The following ADAMTS20 variants were observed in gnomAD, a reference collection of about 807,000 sequenced individuals.
ADAMTS20 encodes the protein A disintegrin and metalloproteinase with thrombospondin motifs 20.
Under a neutral mutation model 260.1 loss-of-function variants are expected in ADAMTS20, and 225 were observed. The observed-to-expected ratio is 0.87, with a 90% CI of 0.78 to 0.97. ADAMTS20 has a LOEUF of 0.97. ADAMTS20 is among the 50% of genes least tolerant of loss of function. The probability of loss-of-function intolerance (pLI) is 0.00; values close to 1 mark genes in which losing one functional copy is unlikely to be tolerated. For synonymous variants in ADAMTS20, 802 were observed against 769.5 expected (o/e 1.04, Z -0.70); for missense variants, 2,400 against 2,337.7 (o/e 1.03, Z -0.55).
chr12:43,503,597 A>ATGTGCAGGTTTGT (rs1942799396), intron 3 of ADAMTS20, among the ~76,000 whole-genome samples: 1 of 151,958 alleles, frequency 6.6e-6, no homozygotes, highest in Non-Finnish European at 1.5e-5. Flanking sequence ...TCAGGCGTAC[A>ATGTGCAGGTTTGT]TGTGCAGGTT....
chr12:43,385,331 G>A (rs1012602591), intron 29 of ADAMTS20, among the ~76,000 whole-genome samples: 1 of 152,044 alleles, frequency 6.6e-6, no homozygotes, highest in Non-Finnish European at 1.5e-5. Context: ...TAAGTTCTTT[G>A]TAGATTCTGG....
At chr12:43,512,760 G>C (rs2137465510) in intron 3 of ADAMTS20, among the ~76,000 whole-genome samples, 1 of 152,204 alleles carries the variant, frequency 6.6e-6, no homozygotes, top group East Asian at 1.9e-4. Context: ...TTAAAACATA[G>C]AGACATGTGA....
chr12:43,463,661 A>G (rs1942103990), intron 10 of ADAMTS20, among the ~76,000 whole-genome samples: 1 of 152,198 alleles, frequency 6.6e-6, no homozygotes, highest in African/African-American at 2.4e-5. Flanking sequence ...TTAAAGGCTT[A>G]TTGAAATTTA....
At chr12:43,414,446 A>G (rs7134363) in intron 28 of ADAMTS20, among the ~76,000 whole-genome samples, 3,705 of 152,246 alleles carry the variant, frequency 0.024, 73 homozygotes, top group East Asian at 0.079. Flanking sequence ...ACATCCTTCA[A>G]TACATATATT....
intron 27 of ADAMTS20, among the ~76,000 whole-genome samples, chr12:43,426,463 G>A (rs574020617): frequency 2.8e-5 from 4 of 145,348 alleles, no homozygotes; most frequent in East Asian, 2.4e-4. Context: ...AAATCATTAA[G>A]CAAAAACATT....
chr12:43,467,680 A>T (rs10880502), intron 8 of ADAMTS20, among the ~76,000 whole-genome samples: 49,460 of 151,920 alleles, frequency 0.33, 8,664 homozygotes, highest in East Asian at 0.75. Context: ...TATTCTGTTC[A>T]TCCTATCCCC....
At position 43,480,911 on chromosome 12, in the gene ADAMTS20, T is replaced by C. The variant is rs140360913; in HGVS notation, c.1117+9484A>G. On this transcript the variant is annotated intron_variant, in intron 7 of 38. Transcript: ENST00000389420. The stretch of plus-strand genomic sequence containing the variant: ...TTTTGAGATCTATTGCACAGGAGGG[T>C]GACTATAGTTATAATAATGTATTAT... Among the ~76,000 whole-genome samples the C allele has an allele frequency of 1.3e-3, 196 of 152,080 alleles. 1 individual carries two copies. The highest frequency in any genetic ancestry group is 4.5e-3 in the African/African-American group (186 of 41,476).
At chr12:43,464,015 C>A (rs1443009130) in intron 10 of ADAMTS20, among the ~76,000 whole-genome samples, 1 of 151,832 alleles carries the variant, frequency 6.6e-6, no homozygotes, top group Non-Finnish European at 1.5e-5. Context: ...CTAAATTTAC[C>A]CCCATATAAA....
At chr12:43,526,382 C>T (rs1208682761) in intron 3 of ADAMTS20, among the ~76,000 whole-genome samples, 7 of 151,976 alleles carry the variant, frequency 4.6e-5, no homozygotes, top group Non-Finnish European at 8.8e-5. Flanking sequence ...GGTGTGAACC[C>T]GGAAGGCGGA....
At chr12:43,455,180 T>C (rs1410282589) in intron 11 of ADAMTS20, among the ~76,000 whole-genome samples, 2 of 152,346 alleles carry the variant, frequency 1.3e-5, no homozygotes, top group Non-Finnish European at 2.9e-5. Context: ...TTATTTCACT[T>C]AGCATAATAT....
At chr12:43,437,861 A>T (rs1941585702) in intron 18 of ADAMTS20, among the ~76,000 whole-genome samples, 1 of 152,186 alleles carries the variant, frequency 6.6e-6, no homozygotes, top group Non-Finnish European at 1.5e-5. Flanking sequence ...AAACAACATG[A>T]ACAAATTAGA....
chr12:43,366,970 A>C (rs1469118602), intron 37 of ADAMTS20, among the ~76,000 whole-genome samples: 1 of 151,920 alleles, frequency 6.6e-6, no homozygotes, highest in African/African-American at 2.4e-5. Context: ...AAAACAAACA[A>C]ATTCCTAGGG....
chr12:43,546,400 G>A (rs543655585), intron 2 of ADAMTS20, among the ~76,000 whole-genome samples: 3 of 152,072 alleles, frequency 2.0e-5, no homozygotes, highest in Non-Finnish European at 2.9e-5. Context: ...ATCCCACCAA[G>A]AAATAGAGAA....
intron 38 of ADAMTS20, 127 bp downstream of exon 38, chr12:43,356,357 C>G (rs1400437161): frequency 1.7e-6 from 1 of 580,632 alleles, no homozygotes; most frequent in Non-Finnish European, 3.1e-6. Context: ...ATGTAATATA[C>G]CCATTATATG....
In ADAMTS20 at chr12:43,372,530, A is replaced by C. The variant is rs190266980; in HGVS notation, c.5446+2849T>G. Among the ~76,000 whole-genome samples the C allele has an allele frequency of 1.8e-3, 272 of 152,308 alleles. 1 individual carries two copies. The highest frequency in any genetic ancestry group is 2.1e-3 in the Non-Finnish European group (141 of 68,026). ...AACTCATTTAAGAAATTTTACTATA[A>C]ATGAACACAAAGAAACTGGTCAGTG... On this transcript the variant is annotated intron_variant, in intron 36 of 38. Coordinates refer to ENST00000389420, the MANE Select transcript of ADAMTS20 (RefSeq NM_025003.5).
At chr12:43,473,977 T>A (rs1942307163) in intron 7 of ADAMTS20, among the ~76,000 whole-genome samples, 1 of 134,432 alleles carries the variant, frequency 7.4e-6, no homozygotes, top group African/African-American at 2.8e-5. Flanking sequence ...AGGCAAGAAA[T>A]AACTAAAATC....
intron 29 of ADAMTS20, among the ~76,000 whole-genome samples, chr12:43,398,580 G>A (rs1398322930): frequency 1.3e-5 from 2 of 152,092 alleles, no homozygotes; most frequent in Non-Finnish European, 2.9e-5. Flanking sequence ...CAAGATTTGG[G>A]GGTAGAAACA....
chr12:43,442,406 C>T (rs767298540), intron 16 of ADAMTS20, among the ~76,000 whole-genome samples: 9 of 151,758 alleles, frequency 5.9e-5, no homozygotes, highest in Non-Finnish European at 1.2e-4. Context: ...TACAGGCATG[C>T]GCCACCATGT....
intron 29 of ADAMTS20, among the ~76,000 whole-genome samples, chr12:43,385,871 G>A (rs1316119487): frequency 6.6e-6 from 1 of 152,090 alleles, no homozygotes; most frequent in Non-Finnish European, 1.5e-5. Context: ...CTTCTTCCTG[G>A]TTTAGTCTTG....
Sources: allele counts gnomAD v4.1 joint callset (sites outside exome capture counted in the v4.1 genomes callset), GRCh38; gene constraint gnomAD v4.1.1; transcripts MANE v1.5; gene names NCBI Gene and HGNC (gene_info 2026-07-23, HGNC 2026-07-21).